The following SEPTIN9 variants were observed in gnomAD, a reference collection of about 807,000 sequenced individuals.
The protein encoded by SEPTIN9 is septin-9.
A neutral mutation model predicts 56.6 loss-of-function variants in SEPTIN9; 13 were observed. The ratio of observed to expected loss-of-function variants is 0.23; its 90% CI spans 0.15 to 0.37. SEPTIN9 has a LOEUF of 0.37. SEPTIN9 is among the 10% of genes least tolerant of loss of function. The probability of loss-of-function intolerance (pLI) is 1.00; values close to 1 mark genes in which losing one functional copy is unlikely to be tolerated. For synonymous variants in SEPTIN9, 332 were observed against 334.1 expected (o/e 0.99, Z 0.07); for missense variants, 650 against 823.1 (o/e 0.79, Z 2.57).
intron 2 of SEPTIN9, among the ~76,000 whole-genome samples, chr17:77,348,814 A>G (rs1487221068): frequency 1.3e-5 from 2 of 152,234 alleles, no homozygotes; most frequent in African/African-American, 4.8e-5. Context: ...ATCCATACAC[A>G]TTGTAAACTA....
intron 3 of SEPTIN9, among the ~76,000 whole-genome samples, chr17:77,463,777 A>G (rs527835362): frequency 6.6e-6 from 1 of 152,248 alleles, no homozygotes; most frequent in African/African-American, 2.4e-5. Flanking sequence ...CGGGAGGCAG[A>G]GGTTGCAGTG....
chr17:77,402,831 A>C lies in SEPTIN9; in HGVS notation c.721+128A>C. On this transcript the variant is annotated intron_variant, in intron 3 of 11. Coordinates refer to ENST00000427177, the MANE Select transcript of SEPTIN9 (RefSeq NM_001113491.2). This position sits in a 1 kb window ranked among gnomAD's most constrained non-coding sequence, Gnocchi z 6.6. ...GGTGCTACCCTGGAGACCCAGAAAG[A>C]CCGGAATGCATGGGGGTGGGGGTCT... The C allele has an allele frequency of 2.2e-6, 2 of 927,490 alleles. No individual in the cohort carries two copies. Among genetic ancestry groups the C allele is most frequent in the Non-Finnish European group, 3.1e-6 (2 of 638,328 alleles). The allele number at this position is 927,490 out of a possible 1,614,324, so 57.5% of individuals were successfully genotyped here.
chr17:77,344,282 G>C (rs1311894287), intron 2 of SEPTIN9, among the ~76,000 whole-genome samples: 7 of 152,142 alleles, frequency 4.6e-5, no homozygotes, highest in Non-Finnish European at 8.8e-5. Flanking sequence ...AATCATCAGG[G>C]AAATGAAAAT....
intron 3 of SEPTIN9, among the ~76,000 whole-genome samples, chr17:77,473,131 T>TCACTTGAG (rs1243070292): frequency 7.2e-5 from 11 of 152,248 alleles, no homozygotes; most frequent in African/African-American, 2.7e-4. Flanking sequence ...CAACTTGTTC[T>TCACTTGAG]CACTTGAGAG....
At chr17:77,485,763 C>T (rs1218323700) in intron 4 of SEPTIN9, among the ~76,000 whole-genome samples, 1 of 152,070 alleles carries the variant, frequency 6.6e-6, no homozygotes, top group Non-Finnish European at 1.5e-5. Context: ...CAGCACCAGC[C>T]TCTGTCCTCC....
At chr17:77,407,201 T>TG (rs2036114072) in intron 3 of SEPTIN9, among the ~76,000 whole-genome samples, 1 of 138,654 alleles carries the variant, frequency 7.2e-6, no homozygotes, top group Non-Finnish European at 1.5e-5. Context: ...GAGGACCACC[T>TG]AAGCATGGGA....
At chr17:77,396,406 A>G (rs141185090) in intron 2 of SEPTIN9, among the ~76,000 whole-genome samples, 1,660 of 152,298 alleles carry the variant, frequency 0.011, 102 homozygotes, top group Admixed American at 0.1. Context: ...AAAATCTGCA[A>G]AATGACAAGC....
rs2033148442 is a variant in SEPTIN9, at chr17:77,326,544, G to A, written c.76+19347G>A. 1.3e-5 allele frequency among the ~76,000 whole-genome samples: 2 copies of A among 152,218 alleles called. No individual in the cohort carries two copies. Among genetic ancestry groups the A allele is most frequent in the Admixed American group, 1.3e-4 (2 of 15,286 alleles). On this transcript the variant is annotated intron_variant, in intron 2 of 11. Coordinates refer to ENST00000427177, the MANE Select transcript of SEPTIN9 (RefSeq NM_001113491.2). This position sits in a 1 kb window ranked among gnomAD's most constrained non-coding sequence, Gnocchi z 5.1. ...AATGTGTTCAAAGGCCCTGGGGCGC[G>A]GGGGGCTGAGGCCGGCAGCACGGCA...
rs761487397 is a variant in SEPTIN9 at position 77,402,253 on chromosome 17, C to T, written c.271C>T (p.Arg91Trp). Residue 91 changes from arginine (R) to tryptophan (W), a missense_variant, in exon 3 of 12, where the codon CGG (arginine) becomes TGG (tryptophan). Coordinates refer to ENST00000427177, the MANE Select transcript of SEPTIN9 (RefSeq NM_001113491.2). The surrounding 1 kb of genome is among the most constrained non-coding windows in gnomAD (Gnocchi z 6.6). ...CCAACGCTCCCCCAAGGCGTCCCTG[C>T]GGAGGGTGGAGCTCTCGGGCCCCAA... ...LSQRSPKASL[R>W]RVELSGPKAA... The T allele has an allele frequency of 1.1e-5, 17 of 1,612,938 alleles. No homozygotes were observed. Among genetic ancestry groups the T allele is most frequent in the Non-Finnish European group, 1.4e-5 (16 of 1,179,864 alleles).
chr17:77,439,193 G>C (rs1366124657), intron 3 of SEPTIN9, among the ~76,000 whole-genome samples: 1 of 152,174 alleles, frequency 6.6e-6, no homozygotes, highest in Non-Finnish European at 1.5e-5. Context: ...GCTCCAAAGT[G>C]CTTTCCTCCC....
chr17:77,417,734 C>T (rs1432852001), intron 3 of SEPTIN9, among the ~76,000 whole-genome samples: 6 of 152,208 alleles, frequency 3.9e-5, no homozygotes, highest in Admixed American at 2.0e-4. Flanking sequence ...CTGTCTATAT[C>T]CGCATTCATG....
chr17:77,375,934 G>A (rs1209499601), intron 2 of SEPTIN9: 1 of 215,726 alleles, frequency 4.6e-6, no homozygotes, highest in African/African-American at 2.4e-5. Context: ...TATGGGAGTT[G>A]GACAACCTTG....
Position 77,487,255 on chromosome 17 carries a change from G to A in SEPTIN9, c.914-169G>A, listed in dbSNP as rs2039832310. Among the ~76,000 whole-genome samples, 1 of 152,176 alleles carries A rather than the reference G, an allele frequency of 6.6e-6. No individual in the cohort carries two copies. Among genetic ancestry groups the A allele is most frequent in the African/African-American group, 2.4e-5 (1 of 41,432 alleles). The stretch of plus-strand genomic sequence containing the variant: ...TACACAGTCACTGGACACCCGGCTC[G>A]AGGGTGAAGTCCTCGGGGGCTGCTT... On this transcript the variant is annotated intron_variant, in intron 4 of 11. Coordinates refer to ENST00000427177, the MANE Select transcript of SEPTIN9 (RefSeq NM_001113491.2). The surrounding 1 kb of genome is among the most constrained non-coding windows in gnomAD (Gnocchi z 4.3).
intron 3 of SEPTIN9, chr17:77,446,681 G>C (rs1298534813): frequency 6.0e-6 from 1 of 167,050 alleles, no homozygotes; most frequent in Non-Finnish European, 1.5e-5. Context: ...CTTGTGATTT[G>C]GGGCCCACCT....
At chr17:77,493,303 G>T (rs2040114690) in intron 10 of SEPTIN9, 1 of 557,718 alleles carries the variant, frequency 1.8e-6, no homozygotes, top group Non-Finnish European at 3.2e-6. Context: ...GGCAGGGAAA[G>T]ATTCAGGGAG....
At chr17:77,350,194 C>T (rs186224536) in intron 2 of SEPTIN9, among the ~76,000 whole-genome samples, 5 of 150,250 alleles carry the variant, frequency 3.3e-5, no homozygotes, top group African/African-American at 1.2e-4. Context: ...CAACCAGCAT[C>T]TTTTGCAGAC....
intron 2 of SEPTIN9, among the ~76,000 whole-genome samples, chr17:77,354,099 A>G (rs1333053215): frequency 2.0e-5 from 3 of 152,168 alleles, no homozygotes; most frequent in Non-Finnish European, 4.4e-5. Context: ...CTCACGGTGT[A>G]CCAAGCTCTG....
At position 77,371,242 on chromosome 17, in the gene SEPTIN9, A is replaced by T. The variant is rs1481071051; in HGVS notation, c.77-30817A>T. On this transcript the variant is annotated intron_variant, in intron 2 of 11. Transcript: ENST00000427177. The surrounding 1 kb of genome is among the most constrained non-coding windows in gnomAD (Gnocchi z 4.1). ...GAGCCGGTGGGCTCTGAGCACAGTC[A>T]CGAAGGCATGCGCACTTTCTGGCTG... 1.3e-5 allele frequency among the ~76,000 whole-genome samples: 2 copies of T among 152,204 alleles called. No individual in the cohort carries two copies. Among genetic ancestry groups the T allele is most frequent in the Non-Finnish European group, 2.9e-5 (2 of 68,040 alleles).
At chr17:77,362,789 A>C (rs1475576312) in intron 2 of SEPTIN9, among the ~76,000 whole-genome samples, 1 of 152,202 alleles carries the variant, frequency 6.6e-6, no homozygotes, top group East Asian at 1.9e-4. Context: ...GCTGTTCCTG[A>C]GGCTGTGAAA....
Sources: gnomAD v4.1 joint callset for allele counts (sites outside exome capture counted in the v4.1 genomes callset) on GRCh38, gnomAD v4.1.1 for gene constraint, Gnocchi (gnomAD v3.1) non-coding constraint, MANE v1.5 for transcripts, NCBI Gene and HGNC (gene_info 2026-07-23, HGNC 2026-07-21) for gene names.